Variants in GRIK2 observed in about 807,000 individuals in gnomAD.
GRIK2 encodes glutamate ionotropic receptor kainate type subunit 2.
GRIK2 carries 32 observed loss-of-function variants against 100.3 expected under a neutral mutation model. The observed-to-expected ratio is 0.32, with a 90% CI of 0.24 to 0.43. The LOEUF (loss-of-function observed/expected upper bound fraction) is 0.43. Among genes scored for constraint, GRIK2 ranks in the 20% least tolerant of loss-of-function variants. The pLI is 1.00. For synonymous variants in GRIK2, 417 were observed against 389.4 expected (o/e 1.07, Z -0.83); for missense variants, 843 against 1,114.9 (o/e 0.76, Z 3.47).
At chr6:101,802,666 A>G (rs142366389) in intron 9 of GRIK2, among the ~76,000 whole-genome samples, 1 of 151,980 alleles carries the variant, frequency 6.6e-6, no homozygotes, top group Non-Finnish European at 1.5e-5. Flanking sequence ...GATTTTTCTG[A>G]TGCATATAAT....
At chr6:101,428,468 A>G (rs1246463524) in intron 2 of GRIK2, among the ~76,000 whole-genome samples, 1 of 152,220 alleles carries the variant, frequency 6.6e-6, no homozygotes, top group African/African-American at 2.4e-5. Flanking sequence ...CATTTGTGAT[A>G]TAATTTTAAA....
intron 2 of GRIK2, among the ~76,000 whole-genome samples, chr6:101,614,709 A>T (rs1779819233): frequency 6.6e-6 from 1 of 151,774 alleles, no homozygotes; most frequent in South Asian, 2.1e-4. Flanking sequence ...ATAACATTTG[A>T]TGGAGAAAAT....
At chr6:101,838,886 C>G (rs1783319090) in intron 10 of GRIK2, among the ~76,000 whole-genome samples, 1 of 152,130 alleles carries the variant, frequency 6.6e-6, no homozygotes, top group Non-Finnish European at 1.5e-5. Flanking sequence ...CTCTTGACCT[C>G]AGGTGAACCA....
intron 16 of GRIK2, among the ~76,000 whole-genome samples, chr6:102,063,046 T>C (rs951105905): frequency 6.6e-6 from 1 of 150,622 alleles, no homozygotes; most frequent in African/African-American, 2.4e-5. Context: ...TGTCTAAGAA[T>C]ATATAGTATA....
chr6:101,911,815 A>T (rs1788711415), intron 12 of GRIK2, among the ~76,000 whole-genome samples: 1 of 151,472 alleles, frequency 6.6e-6, no homozygotes, highest in Admixed American at 6.6e-5. Context: ...GACTCATCTT[A>T]TTACACAATA....
intron 12 of GRIK2, among the ~76,000 whole-genome samples, chr6:101,907,859 T>G (rs946192985): frequency 6.6e-6 from 1 of 151,678 alleles, no homozygotes; most frequent in Non-Finnish European, 1.5e-5. Flanking sequence ...TTTCACTTAT[T>G]TCCTCATTTA....
intron 7 of GRIK2, among the ~76,000 whole-genome samples, chr6:101,796,404 C>T (rs771841440): frequency 2.0e-5 from 3 of 152,138 alleles, no homozygotes; most frequent in Non-Finnish European, 4.4e-5. Flanking sequence ...AGAGAAACCA[C>T]ATTTCTGAAG....
At chr6:101,793,619 T>TG (rs1780058103) in intron 7 of GRIK2, among the ~76,000 whole-genome samples, 1 of 152,108 alleles carries the variant, frequency 6.6e-6, no homozygotes, top group Non-Finnish European at 1.5e-5. Flanking sequence ...CTGCCCCTAC[T>TG]GGGGGGTGCC....
chr6:102,031,598 T>C (rs1040007987), intron 14 of GRIK2, among the ~76,000 whole-genome samples: 2 of 151,298 alleles, frequency 1.3e-5, no homozygotes, highest in Admixed American at 1.3e-4. Context: ...TGCAATATGT[T>C]TTCAACCGTT....
chr6:101,766,267 T>G (rs2128394757), intron 7 of GRIK2, among the ~76,000 whole-genome samples: 1 of 152,150 alleles, frequency 6.6e-6, no homozygotes, highest in Non-Finnish European at 1.5e-5. Flanking sequence ...AAAATTGTAA[T>G]ATTTACTAGA....
chr6:101,713,683 ACT>A (rs1204080301), intron 7 of GRIK2, among the ~76,000 whole-genome samples: 6 of 151,616 alleles, frequency 4.0e-5, no homozygotes, highest in African/African-American at 1.5e-4. Context: ...TAATGTTTAA[ACT>A]CTCTTTGGTA....
At chr6:101,533,349 A>C (rs1775533523) in intron 2 of GRIK2, among the ~76,000 whole-genome samples, 1 of 151,942 alleles carries the variant, frequency 6.6e-6, no homozygotes, top group Non-Finnish European at 1.5e-5. Context: ...GTGTACAAGC[A>C]TAAATAACAG....
chr6:101,628,159 A>G (rs1419128885), intron 4 of GRIK2, among the ~76,000 whole-genome samples: 1 of 152,132 alleles, frequency 6.6e-6, no homozygotes. Flanking sequence ...TCATGCATGC[A>G]GTATATAGAA....
rs989554915 is a variant in GRIK2 at position 101,749,803 on chromosome 6, C to CTTTTT, written c.952-49826_952-49822dup. Among the ~76,000 whole-genome samples the CTTTTT allele has an allele frequency of 6.7e-3, 623 of 92,360 alleles. 18 individuals carry two copies. Among genetic ancestry groups the CTTTTT allele is most frequent in the African/African-American group, 0.013 (292 of 22,446 alleles). The allele number at this position is 92,360 out of a possible 152,430, so 60.6% of individuals were successfully genotyped here. On this transcript the variant is annotated intron_variant, in intron 7 of 16. Coordinates refer to ENST00000369134, the MANE Select transcript of GRIK2 (RefSeq NM_021956.5). ...ACTGAAAACTTGTGTGTGCCAGTTT[C>CTTTTT]TTTTTTTTTTTTTTTTTTTTTTTGT...
intron 15 of GRIK2, among the ~76,000 whole-genome samples, chr6:102,053,376 T>C (rs2114498360): frequency 6.6e-6 from 1 of 152,284 alleles, no homozygotes; most frequent in South Asian, 2.1e-4. Flanking sequence ...AAATACTGAA[T>C]AGTCAAGCAA....
chr6:101,533,632 G>A (rs1490725471), intron 2 of GRIK2, among the ~76,000 whole-genome samples: 1 of 151,880 alleles, frequency 6.6e-6, no homozygotes, highest in Non-Finnish European at 1.5e-5. Context: ...TAGCTGAGAT[G>A]TCATGGGAGG....
At chr6:101,617,857 G>A (rs1170651083) in intron 2 of GRIK2, among the ~76,000 whole-genome samples, 1 of 151,442 alleles carries the variant, frequency 6.6e-6, no homozygotes, top group Non-Finnish European at 1.5e-5. Flanking sequence ...ACACACACAC[G>A]TGAAACTACT....
chr6:101,718,826 C>A (rs536476925), intron 7 of GRIK2, among the ~76,000 whole-genome samples: 1 of 151,920 alleles, frequency 6.6e-6, no homozygotes, highest in Admixed American at 6.6e-5. Flanking sequence ...GATCCTCAAC[C>A]AAGCAAGGGT....
At chr6:101,586,676 CTGGCCAATA>C (rs908591524) in intron 2 of GRIK2, among the ~76,000 whole-genome samples, 6 of 151,338 alleles carry the variant, frequency 4.0e-5, no homozygotes, top group African/African-American at 1.5e-4. Flanking sequence ...TGAGACGAGC[CTGGCCAATA>C]TGGCAAAACC....
Sources: allele counts gnomAD v4.1 joint callset (sites outside exome capture counted in the v4.1 genomes callset), GRCh38; gene constraint gnomAD v4.1.1; transcripts MANE v1.5; gene names NCBI Gene and HGNC (gene_info 2026-07-23, HGNC 2026-07-21).